The following SKA3 variants were observed in gnomAD, a reference collection of about 807,000 sequenced individuals.
SKA3 encodes spindle and kinetochore associated complex subunit 3, also known as spindle and kinetochore-associated protein 3.
SKA3 carries 39 observed loss-of-function variants against 44.2 expected under a neutral mutation model. That is an observed-to-expected ratio of 0.88 (90% CI 0.68 to 1.15). The LOEUF (loss-of-function observed/expected upper bound fraction) is 1.15. SKA3 is among the 50% of genes most tolerant of loss of function. The pLI is 0.00. For synonymous variants in SKA3, 192 were observed against 172.0 expected, an observed-to-expected ratio of 1.12 and a Z score of -0.91; for missense variants, 511 against 485.8, an observed-to-expected ratio of 1.05 and a Z score of -0.49.
In SKA3 at chr13:21,155,113, T is replaced by C. The variant is rs11147976; in HGVS notation, c.*37A>G. 181,151 of 1,564,722 alleles carry C rather than the reference T, an allele frequency of 0.12. 2 individuals carry two copies. Among genetic ancestry groups the C allele is most frequent in the East Asian group, 0.21 (8,807 of 42,786 alleles). ...GGTCCAGCTCGGCTTTCATCTCATTTTGTTCAGTTTCTGTGTTGGATAGAT... is the reference window on the plus strand; with the variant it reads ...GGTCCAGCTCGGCTTTCATCTCATTCTGTTCAGTTTCTGTGTTGGATAGAT... On this transcript the variant is annotated 3_prime_UTR_variant, in exon 9 of 9. Transcript: ENST00000314759.
intron 3 of SKA3, 23 bp downstream of exon 3, chr13:21,172,316 C>T (rs753895976): frequency 9.4e-5 from 106 of 1,124,908 alleles, no homozygotes; most frequent in Non-Finnish European, 1.1e-4. Context: ...AAAACAAATG[C>T]TATAAAATGA....
At chr13:21,167,103 T>G (rs1183658217) in intron 4 of SKA3, among the ~76,000 whole-genome samples, 1 of 152,192 alleles carries the variant, frequency 6.6e-6, no homozygotes, top group Non-Finnish European at 1.5e-5. Flanking sequence ...AGCTTTAAAC[T>G]GATATTAGAA....
At chr13:21,168,549 C>CCCTGTCTCAATA in intron 3 of SKA3, 150 bp from the exon 4 acceptor site, 1 of 751,886 alleles carries the variant, frequency 1.3e-6, no homozygotes, top group Non-Finnish European at 2.1e-6. Flanking sequence ...TTTATTGAGA[C>CCCTGTCTCAATA]AGGGTCTCGC....
chr13:21,168,509 C>A, intron 3 of SKA3, 110 bp from the exon 4 acceptor site: 1 of 877,256 alleles, frequency 1.1e-6, no homozygotes, highest in Non-Finnish European at 1.7e-6. Flanking sequence ...GCAAAAGTTC[C>A]AATTGTCTAA....
intron 4 of SKA3, among the ~76,000 whole-genome samples, chr13:21,165,565 T>C (rs1870664131): frequency 6.6e-6 from 1 of 152,154 alleles, no homozygotes; most frequent in Admixed American, 6.6e-5. Context: ...TTGAGTTGCC[T>C]AGGTACAAAA....
chr13:21,173,702 A>G (rs1019279899), intron 1 of SKA3, among the ~76,000 whole-genome samples: 4 of 152,164 alleles, frequency 2.6e-5, no homozygotes, highest in African/African-American at 9.7e-5. Flanking sequence ...ATCCATGTTC[A>G]TTATTGTGTA....
At chr13:21,160,682 A>G (rs1038669921) in intron 5 of SKA3, among the ~76,000 whole-genome samples, 2 of 152,158 alleles carry the variant, frequency 1.3e-5, no homozygotes, top group African/African-American at 4.8e-5. Context: ...ATTTTCTAGA[A>G]TAAGTAAAAA....
At chr13:21,161,013 C>T (rs1430878433) in intron 5 of SKA3, among the ~76,000 whole-genome samples, 2 of 151,992 alleles carry the variant, frequency 1.3e-5, no homozygotes, top group East Asian at 1.9e-4. Flanking sequence ...GTCCCTGCTA[C>T]GTGGGGGCTG....
At position 21,167,029 on chromosome 13, in the gene SKA3, G is replaced by A. The variant is rs960235047; in HGVS notation, c.743+959C>T. ...GTGGTATTTTCATTGTAACTCTTAC[G>A]GTTTTAATCACCATTTCCATGCTAA... On this transcript the variant is annotated intron_variant, in intron 4 of 8. Coordinates refer to ENST00000314759, the MANE Select transcript of SKA3 (RefSeq NM_145061.6). 8.6e-5 allele frequency among the ~76,000 whole-genome samples: 13 copies of A among 151,892 alleles called. No individual in the cohort carries two copies. The East Asian group carries it at 1.9e-3, about 23-fold the overall frequency.
At chr13:21,170,457 G>C (rs1870977015) in intron 3 of SKA3, among the ~76,000 whole-genome samples, 1 of 152,198 alleles carries the variant, frequency 6.6e-6, no homozygotes, top group Non-Finnish European at 1.5e-5. Context: ...TGGGATTACA[G>C]GCATGAGCCA....
In SKA3 at chr13:21,176,524, C is replaced by A. The variant is rs776515134; in HGVS notation, c.-47G>T. 2 of 1,066,824 alleles carry A rather than the reference C, an allele frequency of 1.9e-6. No homozygotes were observed. Among genetic ancestry groups the A allele is most frequent in the Non-Finnish European group, 2.5e-6 (2 of 815,084 alleles). The allele number at this position is 1,066,824 out of a possible 1,614,324, so 66.1% of individuals were successfully genotyped here. On this transcript the variant is annotated 5_prime_UTR_variant, in exon 1 of 9. Transcript: ENST00000314759. ...CTCCAGGCGTACGCAGACCCCACCG[C>A]TCAGCTCACAGCCTCCCGCCACTAG...
chr13:21,162,491 G>A (rs1313243393), intron 4 of SKA3, among the ~76,000 whole-genome samples: 1 of 151,616 alleles, frequency 6.6e-6, no homozygotes, highest in Non-Finnish European at 1.5e-5. Context: ...TAAGCCTCCC[G>A]AGTAGCTGGG....
chr13:21,161,853 A>G lies in SKA3; in HGVS notation c.766T>C (p.Ser256Pro). The change falls in exon 5 of 9, where the codon TCC becomes CCC. Residue 256 changes from serine to proline, a missense_variant. Physicochemically the swap from Ser to Pro is moderately conservative, Grantham distance 74. Coordinates refer to ENST00000314759, the MANE Select transcript of SKA3 (RefSeq NM_145061.6). ...GCAAAAACATTATCATTGAGCCTGG[A>G]TTCTGTATCTATGGCCTCCTCACTG... ...NKSEEAIDTE[S>P]RLNDNVFATP... 6.2e-7 allele frequency: 1 copy of G among 1,612,450 alleles called. No individual in the cohort carries two copies. The highest frequency in any genetic ancestry group is 8.5e-7 in the Non-Finnish European group (1 of 1,179,014).
At chr13:21,159,656 A>T (rs1443204839) in intron 6 of SKA3, among the ~76,000 whole-genome samples, 1 of 152,124 alleles carries the variant, frequency 6.6e-6, no homozygotes, top group Non-Finnish European at 1.5e-5. Context: ...TTACTCTATA[A>T]CTTGTTTAAA....
Position 21,155,054 on chromosome 13 carries a change from G to C in SKA3, c.*96C>G, listed in dbSNP as rs1445252949. On this transcript the variant is annotated 3_prime_UTR_variant, in exon 9 of 9. Coordinates refer to ENST00000314759, the MANE Select transcript of SKA3 (RefSeq NM_145061.6). ...TTTAAAATGGGTCAACGTTTAAAGG[G>C]GGACAGAGGCAGGGCAATGTGAATG... 4 of 1,584,144 alleles carry C rather than the reference G, an allele frequency of 2.5e-6. No individual in the cohort carries two copies. Among genetic ancestry groups the C allele is most frequent in the East Asian group, 4.5e-5 (2 of 44,198 alleles).
At chr13:21,168,978 C>T (rs1406345357) in intron 3 of SKA3, among the ~76,000 whole-genome samples, 1 of 151,934 alleles carries the variant, frequency 6.6e-6, no homozygotes, top group East Asian at 1.9e-4. Flanking sequence ...GTCCAATTTT[C>T]TTACATCCTT....
chr13:21,160,598 G>A lies in SKA3; in HGVS notation c.830-611C>T, dbSNP rs114862732. On this transcript the variant is annotated intron_variant, in intron 5 of 8. Transcript: ENST00000314759. Reference sequence around the variant, plus strand: ...CTAAAAATCATCAAGTACTGGAAAAGACGGAGAAACAGGAACTCAATACCA... The same window carrying A: ...CTAAAAATCATCAAGTACTGGAAAAAACGGAGAAACAGGAACTCAATACCA... 4.6e-3 allele frequency among the ~76,000 whole-genome samples: 707 copies of A among 152,162 alleles called. 6 individuals carry two copies. The highest frequency in any genetic ancestry group is 0.016 in the African/African-American group (673 of 41,478).
chr13:21,167,937 C>A, intron 4 of SKA3, 51 bp downstream of exon 4: 1 of 1,216,058 alleles, frequency 8.2e-7, no homozygotes. Context: ...TCAATAAATA[C>A]AAAAGGTTTA....
In SKA3 at chr13:21,158,072, T is replaced by A; in HGVS notation, c.969A>T (p.Glu323Asp). The change falls in exon 7 of 9, where the codon GAA (glutamate) becomes GAT (aspartate). Residue 323 changes from glutamate (E) to aspartate (D), a missense_variant. Glu to Asp is a conservative substitution (Grantham distance 45). Coordinates refer to ENST00000314759, the MANE Select transcript of SKA3 (RefSeq NM_145061.6). ...SKTNSSSNDL[E>D]VEDRTSLVLN... The stretch of plus-strand genomic sequence containing the variant: ...AAACCAACGAAGTACGATCTTCAAC[T>A]TCCAAATCATTTGATGAACTATTTG... 1 of 1,612,954 alleles carries A rather than the reference T, an allele frequency of 6.2e-7. No homozygotes were observed. Among genetic ancestry groups the A allele is most frequent in the South Asian group, 1.1e-5 (1 of 91,046 alleles).
Sources: allele counts gnomAD v4.1 joint callset (sites outside exome capture counted in the v4.1 genomes callset), GRCh38; gene constraint gnomAD v4.1.1; transcripts MANE v1.5; gene names NCBI Gene and HGNC (gene_info 2026-07-23, HGNC 2026-07-21).